The following LPIN2 variants were observed in gnomAD, a reference collection of about 807,000 sequenced individuals.
The protein encoded by LPIN2 is phosphatidate phosphatase LPIN2.
Under a neutral mutation model 111.4 loss-of-function variants are expected in LPIN2, and 55 were observed. The observed-to-expected ratio is 0.49, with a 90% CI of 0.40 to 0.62. The LOEUF (loss-of-function observed/expected upper bound fraction) is 0.62, where lower values mean the gene tolerates loss of function less well. Ranked by LOEUF, LPIN2 falls within the 20% of genes least tolerant of loss-of-function variation. The probability of loss-of-function intolerance (pLI) is 0.00; values close to 1 mark genes in which losing one functional copy is unlikely to be tolerated. For missense variants in LPIN2, 992 were observed against 1,112.1 expected, an observed-to-expected ratio of 0.89 and a Z score of 1.54; for synonymous variants, 425 against 414.0, an observed-to-expected ratio of 1.03 and a Z score of -0.32.
chr18:2,965,506 A>T (rs1162930954), intron 1 of LPIN2, among the ~76,000 whole-genome samples: 1 of 152,176 alleles, frequency 6.6e-6, no homozygotes, highest in South Asian at 2.1e-4. Flanking sequence ...AGGCAGGTAG[A>T]TCACTTGAGG....
At chr18:2,963,993 C>A (rs532428355) in intron 1 of LPIN2, among the ~76,000 whole-genome samples, 9 of 151,856 alleles carry the variant, frequency 5.9e-5, no homozygotes, top group Non-Finnish European at 1.2e-4. Context: ...TTTTTAAAGA[C>A]AATTAAGGCT....
At chr18:3,012,389 G>A (rs116879632) in intron 1 of LPIN2, among the ~76,000 whole-genome samples, 2,107 of 152,330 alleles carry the variant, frequency 0.014, 29 homozygotes, top group Non-Finnish European at 0.023. Flanking sequence ...ATGTTCAGGC[G>A]AGTGGAGAAA....
rs1279763382 is a variant in LPIN2, at chr18:2,922,067, G to A, written c.2307C>T (p.Ser769=). Residue 769 remains serine (S), a synonymous_variant, in exon 17 of 20, where the codon AGC becomes AGT. Coordinates refer to ENST00000677752, the MANE Select transcript of LPIN2 (RefSeq NM_001375808.2). The part of the protein sequence containing the change: ...PRGPLMLSPS[S]LFSAFHREVI... ...GGTACCTGTGGAAGGCGGAGAACAAGCTGCTGGGGGACAGCATCAGGGGGC... is the reference window on the plus strand; with the variant it reads ...GGTACCTGTGGAAGGCGGAGAACAAACTGCTGGGGGACAGCATCAGGGGGC... 4.3e-6 allele frequency: 7 copies of A among 1,613,474 alleles called. 1 individual carries two copies. The highest frequency in any genetic ancestry group is 1.7e-4 in the Middle Eastern group (1 of 6,004).
chr18:2,969,010 A>C (rs1428847767), intron 1 of LPIN2, among the ~76,000 whole-genome samples: 2 of 152,212 alleles, frequency 1.3e-5, no homozygotes, highest in Non-Finnish European at 2.9e-5. Flanking sequence ...GAACCAACTT[A>C]GAGATATGGA....
rs374426227 is a variant in LPIN2 at position 2,920,885 on chromosome 18, C to A, written c.2443-4G>T. On this transcript the variant is annotated splice_polypyrimidine_tract_variant and splice_region_variant and intron_variant, in intron 18 of 19. Transcript: ENST00000677752. ...CTTGTGTGTAGGCATAGACATCCTGCAGAAGAAAATAGCAAGCGGGTGATT... is the reference window on the plus strand; with the variant it reads ...CTTGTGTGTAGGCATAGACATCCTGAAGAAGAAAATAGCAAGCGGGTGATT... 1 of 1,602,088 alleles carries A rather than the reference C, an allele frequency of 6.2e-7. No individual in the cohort carries two copies. Among genetic ancestry groups the A allele is most frequent in the Non-Finnish European group, 8.6e-7 (1 of 1,169,066 alleles).
intron 9 of LPIN2, among the ~76,000 whole-genome samples, chr18:2,930,777 TCC>T: frequency 6.6e-6 from 1 of 152,178 alleles, no homozygotes; most frequent in Non-Finnish European, 1.5e-5. Context: ...AGGCCAACCC[TCC>T]AGCCTTATAC....
rs2077532913 is a variant in LPIN2 at position 2,951,283 on chromosome 18, G to C, written c.362C>G (p.Pro121Arg). 1 of 1,614,068 alleles carries C rather than the reference G, an allele frequency of 6.2e-7. No homozygotes were observed. Among genetic ancestry groups the C allele is most frequent in the Non-Finnish European group, 8.5e-7 (1 of 1,179,976 alleles). Residue 121 changes from proline to arginine, a missense_variant, in exon 4 of 20, where the codon CCT (proline) becomes CGT (arginine). Transcript: ENST00000677752. Reference sequence around the variant, plus strand: ...TTCATCTCCACCCGATTTCACCAAAGGGGTGTCAATATCTTTAAAGAACTG... The same window carrying C: ...TTCATCTCCACCCGATTTCACCAAACGGGTGTCAATATCTTTAAAGAACTG... ...EDQFFKDIDTPLVKSGGDETP... is the reference protein window; with the variant it reads ...EDQFFKDIDTRLVKSGGDETP...
At chr18:2,978,324 GGAA>G (rs2078053542) in intron 1 of LPIN2, among the ~76,000 whole-genome samples, 1 of 152,146 alleles carries the variant, frequency 6.6e-6, no homozygotes, top group African/African-American at 2.4e-5. Flanking sequence ...AGAGAAACCT[GGAA>G]GACACCACCA....
At chr18:2,977,695 C>T (rs1477608650) in intron 1 of LPIN2, among the ~76,000 whole-genome samples, 1 of 152,088 alleles carries the variant, frequency 6.6e-6, no homozygotes, top group Admixed American at 6.5e-5. Flanking sequence ...AACAGGATTA[C>T]TAGATTACAA....
intron 1 of LPIN2, among the ~76,000 whole-genome samples, chr18:2,986,063 T>C (rs964221712): frequency 3.9e-5 from 6 of 152,216 alleles, no homozygotes; most frequent in Admixed American, 3.9e-4. Flanking sequence ...AATGTTTTCA[T>C]TTAGAGCCAA....
At chr18:2,962,175 G>A (rs1317842801) in intron 1 of LPIN2, among the ~76,000 whole-genome samples, 1 of 152,188 alleles carries the variant, frequency 6.6e-6, no homozygotes, top group South Asian at 2.1e-4. Flanking sequence ...GTTCCTACAC[G>A]CGGATGAATG....
intron 1 of LPIN2, among the ~76,000 whole-genome samples, chr18:2,966,087 T>C (rs184328054): frequency 2.0e-5 from 3 of 152,124 alleles, no homozygotes; most frequent in Admixed American, 2.0e-4. Flanking sequence ...AGGAATGTGC[T>C]ACCATGCCCA....
At chr18:2,981,855 C>A (rs1239148421) in intron 1 of LPIN2, among the ~76,000 whole-genome samples, 1 of 152,116 alleles carries the variant, frequency 6.6e-6, no homozygotes, top group African/African-American at 2.4e-5. Context: ...AAGTTATGAG[C>A]CACAGATTTT....
At chr18:2,971,461 A>G (rs1023270249) in intron 1 of LPIN2, among the ~76,000 whole-genome samples, 3 of 152,160 alleles carry the variant, frequency 2.0e-5, no homozygotes, top group African/African-American at 7.2e-5. Flanking sequence ...ACCACGCGGC[A>G]TGAACATTTA....
chr18:3,011,460 G>A (rs555234246), intron 1 of LPIN2, among the ~76,000 whole-genome samples: 3 of 151,804 alleles, frequency 2.0e-5, no homozygotes, highest in African/African-American at 2.4e-5. Context: ...CGAGGGGGGC[G>A]GATCACCTGA....
rs1481384700 is a variant in LPIN2 at position 2,925,630 on chromosome 18, G to A, written c.1794-262C>T. Among the ~76,000 whole-genome samples, 2 of 152,186 alleles carry A rather than the reference G, an allele frequency of 1.3e-5. No homozygotes were observed. Among genetic ancestry groups the A allele is most frequent in the African/African-American group, 2.4e-5 (1 of 41,452 alleles). On this transcript the variant is annotated intron_variant, in intron 13 of 19. Transcript: ENST00000677752. This position sits in a 1 kb window ranked among gnomAD's most constrained non-coding sequence, Gnocchi z 4.1. ...TTTCTGCTATGCCCAGTGAATGCTAGAAGGTCTACTGACTCTTGTTGAAGA... is the reference window on the plus strand; with the variant it reads ...TTTCTGCTATGCCCAGTGAATGCTAAAAGGTCTACTGACTCTTGTTGAAGA...
intron 18 of LPIN2, 85 bp downstream of exon 18, chr18:2,921,448 G>A (rs1051907798): frequency 1.8e-5 from 18 of 1,014,710 alleles, no homozygotes; most frequent in East Asian, 4.8e-5. Flanking sequence ...AAACTGCTTT[G>A]AGAATTGGGA....
intron 1 of LPIN2, among the ~76,000 whole-genome samples, chr18:3,002,421 G>A (rs2078448471): frequency 6.6e-6 from 1 of 152,098 alleles, no homozygotes; most frequent in Non-Finnish European, 1.5e-5. Flanking sequence ...CTAATCAGCA[G>A]ATTTTTAAAT....
intron 1 of LPIN2, among the ~76,000 whole-genome samples, chr18:2,992,974 CA>C (rs59159362): frequency 0.62 from 60,567 of 97,400 alleles, 17,179 homozygotes; most frequent in East Asian, 0.79. Flanking sequence ...AGACCCGTCT[CA>C]AAAAAAAAAA....
Sources: gnomAD v4.1 joint callset for allele counts (sites outside exome capture counted in the v4.1 genomes callset) on GRCh38, gnomAD v4.1.1 for gene constraint, Gnocchi (gnomAD v3.1) non-coding constraint, MANE v1.5 for transcripts, NCBI Gene and HGNC (gene_info 2026-07-23, HGNC 2026-07-21) for gene names.